Variants in MAD1L1 observed in about 807,000 individuals in gnomAD.
MAD1L1 encodes mitotic spindle assembly checkpoint protein MAD1.
Under a neutral mutation model 96.9 loss-of-function variants are expected in MAD1L1, and 95 were observed. That is an observed-to-expected ratio of 0.98 (90% CI 0.83 to 1.16). MAD1L1 has a LOEUF of 1.16. MAD1L1 is among the 50% of genes most tolerant of loss of function. The pLI is 0.00. For missense variants in MAD1L1, 1,007 were observed against 954.4 expected, an observed-to-expected ratio of 1.06 and a Z score of -0.73; for synonymous variants, 473 against 396.6, an observed-to-expected ratio of 1.19 and a Z score of -2.29.
intron 11 of MAD1L1, among the ~76,000 whole-genome samples, chr7:2,130,923 C>T (rs557834359): frequency 6.6e-6 from 1 of 152,202 alleles, no homozygotes; most frequent in Non-Finnish European, 1.5e-5. Flanking sequence ...TTAAGCCTCT[C>T]GCAGAAGGAT....
At chr7:2,110,168 T>C (rs1425700343) in intron 11 of MAD1L1, among the ~76,000 whole-genome samples, 1 of 152,266 alleles carries the variant, frequency 6.6e-6, no homozygotes. Context: ...GATGTCCAGA[T>C]GGCAGCACCT....
At chr7:2,102,057 G>A (rs1786806080) in intron 11 of MAD1L1, among the ~76,000 whole-genome samples, 1 of 152,028 alleles carries the variant, frequency 6.6e-6, no homozygotes, top group East Asian at 1.9e-4. Context: ...CAGCAGAAGA[G>A]GCTGAGAGCA....
At chr7:2,177,441 C>T (rs1790999460) in intron 10 of MAD1L1, among the ~76,000 whole-genome samples, 1 of 152,192 alleles carries the variant, frequency 6.6e-6, no homozygotes, top group South Asian at 2.1e-4. Flanking sequence ...CAACATTGTA[C>T]ATCTCAAGAC....
At chr7:2,214,503 C>T (rs1451966144) in intron 9 of MAD1L1, among the ~76,000 whole-genome samples, 1 of 152,154 alleles carries the variant, frequency 6.6e-6, no homozygotes, top group Non-Finnish European at 1.5e-5. Context: ...CTGGAAGTGG[C>T]CAGCTGGACA....
chr7:2,069,481 G>T (rs1033409600), intron 11 of MAD1L1, 143 bp from the exon 12 acceptor site: 2 of 734,798 alleles, frequency 2.7e-6, no homozygotes, highest in Non-Finnish European at 4.1e-6. Context: ...TTTCCGCACT[G>T]CTGAATAGCT....
At chr7:2,201,726 G>GC (rs1792311681) in intron 10 of MAD1L1, 1 of 152,260 alleles carries the variant, frequency 6.6e-6, no homozygotes. Flanking sequence ...GTGCAGTCAG[G>GC]CACATGCAGG....
At chr7:1,987,910 C>T (rs1412576777) in intron 14 of MAD1L1, among the ~76,000 whole-genome samples, 5 of 152,328 alleles carry the variant, frequency 3.3e-5, no homozygotes, top group East Asian at 3.9e-4. Context: ...CTCCCAGGCA[C>T]GGGACCATGT....
rs919214257 is a variant in MAD1L1 at position 2,121,051 on chromosome 7, C to A, written c.1073+28101G>T. Among the ~76,000 whole-genome samples, 24 of 152,306 alleles carry A rather than the reference C, an allele frequency of 1.6e-4. No homozygotes were observed. In the East Asian group the frequency reaches 4.1e-3, roughly 26 times the overall value. ...GTGGAGTCGCACGGTGACGGCAGGG[C>A]TCCTGCAGAGGCACACCAGCCCCAG... On this transcript the variant is annotated intron_variant, in intron 11 of 18. Transcript: ENST00000265854.
Position 2,198,955 on chromosome 7 carries a change from C to T in MAD1L1, c.986+14257G>A, listed in dbSNP as rs947720000. Reference sequence around the variant, plus strand: ...AGCCGGCGACCAGTCCACAGAGAGACGCGCTGTGGGGCCCGACAGGCTGAG... The same window carrying T: ...AGCCGGCGACCAGTCCACAGAGAGATGCGCTGTGGGGCCCGACAGGCTGAG... On this transcript the variant is annotated intron_variant, in intron 10 of 18. Transcript: ENST00000265854. Among the ~76,000 whole-genome samples, 15 of 152,346 alleles carry T rather than the reference C, an allele frequency of 9.8e-5. No individual in the cohort carries two copies. In the South Asian group the frequency reaches 1.0e-3, roughly 11 times the overall value.
At chr7:1,898,680 G>C (rs1252448561) in intron 17 of MAD1L1, among the ~76,000 whole-genome samples, 1 of 152,216 alleles carries the variant, frequency 6.6e-6, no homozygotes, top group African/African-American at 2.4e-5. Flanking sequence ...CCCCTCCACA[G>C]GGATCAGCCC....
intron 17 of MAD1L1, among the ~76,000 whole-genome samples, chr7:1,934,275 C>G (rs968571082): frequency 2.6e-5 from 4 of 152,230 alleles, no homozygotes; most frequent in African/African-American, 9.6e-5. Flanking sequence ...TCGCACCCCC[C>G]ACTCCCAATC....
rs188946240 is a variant in MAD1L1, at chr7:2,163,823, A to T, written c.987-14585T>A. On this transcript the variant is annotated intron_variant, in intron 10 of 18. Transcript: ENST00000265854. ...GAGCTGCCCCCTCCTCACCATGCGA[A>T]TCTGACACAAAGCATCTCCCTCATC... Among the ~76,000 whole-genome samples, 12 of 152,200 alleles carry T rather than the reference A, an allele frequency of 7.9e-5. No individual in the cohort carries two copies. The East Asian group carries it at 2.3e-3, about 29-fold the overall frequency.
intron 17 of MAD1L1, among the ~76,000 whole-genome samples, chr7:1,906,722 C>A (rs182068473): frequency 6.6e-6 from 1 of 152,356 alleles, no homozygotes; most frequent in East Asian, 1.9e-4. Context: ...CACCTGAGAA[C>A]CCGGAACATG....
At position 1,968,619 on chromosome 7, in the gene MAD1L1, C is replaced by T. The variant is rs561609137; in HGVS notation, c.1506-10900G>A. Among the ~76,000 whole-genome samples the T allele has an allele frequency of 2.6e-5, 4 of 151,632 alleles. No individual in the cohort carries two copies. Among genetic ancestry groups the T allele is most frequent in the South Asian group, 2.1e-4 (1 of 4,780 alleles). On this transcript the variant is annotated intron_variant, in intron 15 of 18. Coordinates refer to ENST00000265854, the MANE Select transcript of MAD1L1 (RefSeq NM_001013836.2). The surrounding 1 kb of genome is among the most constrained non-coding windows in gnomAD (Gnocchi z 5.6). ...GTCCGGCAGTCAGGTCCGCTGTCAA[C>T]GCCTCAGTCCAGCGGTCAGGTCCAC...
chr7:1,847,515 A>C (rs1783701613), intron 18 of MAD1L1: 1 of 471,126 alleles, frequency 2.1e-6, no homozygotes, highest in Non-Finnish European at 4.4e-6. Context: ...GCTCAGCTGG[A>C]AGGTTCCATG....
chr7:2,044,587 G>A (rs1349762943), intron 12 of MAD1L1, among the ~76,000 whole-genome samples: 1 of 152,164 alleles, frequency 6.6e-6, no homozygotes, highest in East Asian at 1.9e-4. Flanking sequence ...ACGGGGGTGC[G>A]GCCGGGAGGT....
intron 12 of MAD1L1, among the ~76,000 whole-genome samples, chr7:2,061,777 T>A (rs1197269639): frequency 1.3e-5 from 2 of 152,266 alleles, no homozygotes; most frequent in Non-Finnish European, 2.9e-5. Flanking sequence ...TACAGCCAAG[T>A]GTATTTTAAA....
chr7:1,940,924 A>G (rs552794429), intron 16 of MAD1L1, among the ~76,000 whole-genome samples: 10 of 25,606 alleles, frequency 3.9e-4, no homozygotes, highest in East Asian at 1.9e-3. Context: ...GAGCAGTGAG[A>G]CCCTCCTCCC....
At chr7:1,862,909 C>A (rs1010267034) in intron 18 of MAD1L1, among the ~76,000 whole-genome samples, 2 of 152,246 alleles carry the variant, frequency 1.3e-5, no homozygotes, top group African/African-American at 4.8e-5. Context: ...GAAAGGGGCC[C>A]GCAGGGTCAG....
Sources: allele counts gnomAD v4.1 joint callset (sites outside exome capture counted in the v4.1 genomes callset), GRCh38; gene constraint gnomAD v4.1.1; non-coding constraint Gnocchi (gnomAD v3.1); transcripts MANE v1.5; gene names NCBI Gene and HGNC (gene_info 2026-07-23, HGNC 2026-07-21).